The following MSL2 variants were observed in gnomAD, a reference collection of about 807,000 sequenced individuals.
MSL2 encodes E3 ubiquitin-protein ligase MSL2.
MSL2 carries 2 observed loss-of-function variants against 35.8 expected under a neutral mutation model. The ratio of observed to expected loss-of-function variants is 0.06; its 90% confidence interval spans 0.02 to 0.18. MSL2 has a LOEUF of 0.18. Ranked by LOEUF, MSL2 falls within the 10% of genes least tolerant of loss-of-function variation. MSL2 has a pLI of 1.00. For missense variants in MSL2, 523 were observed against 706.7 expected, an observed-to-expected ratio of 0.74 and a Z score of 2.95; for synonymous variants, 296 against 255.7, an observed-to-expected ratio of 1.16 and a Z score of -1.50.
chr3:136,193,974 A>G (rs1940762540), intron 1 of MSL2, among the ~76,000 whole-genome samples: 1 of 152,230 alleles, frequency 6.6e-6, no homozygotes, highest in South Asian at 2.1e-4. Context: ...CCCTTCAGCC[A>G]CAACTGTCCC....
chr3:136,169,250 G>GGGGGGTGGGGGGGGTT (rs1559963929), intron 1 of MSL2, among the ~76,000 whole-genome samples: 1 of 17,120 alleles, frequency 5.8e-5, no homozygotes, highest in Non-Finnish European at 1.4e-4. Context: ...GGGGGGGGGG[G>GGGGGGTGGGGGGGGTT]GGTGCTTATT....
At chr3:136,180,796 G>GGGAAGGAAGGAA (rs1241382073) in intron 1 of MSL2, among the ~76,000 whole-genome samples, 27 of 42,854 alleles carry the variant, frequency 6.3e-4, no homozygotes, top group African/African-American at 2.0e-3. Flanking sequence ...GAGGGAGGGA[G>GGGAAGGAAGGAA]GGAGGGAGGG....
chr3:136,192,583 T>TAAA (rs59221992), intron 1 of MSL2, among the ~76,000 whole-genome samples: 7 of 129,590 alleles, frequency 5.4e-5, no homozygotes, highest in East Asian at 4.5e-4. Flanking sequence ...AAAGCAAAGA[T>TAAA]AAAAAAAAAA....
At chr3:136,153,820 T>C (rs960680730) in intron 1 of MSL2, among the ~76,000 whole-genome samples, 2 of 150,982 alleles carry the variant, frequency 1.3e-5, no homozygotes, top group Non-Finnish European at 2.9e-5. Context: ...TGGTGGCTCA[T>C]GCCTGTAACC....
intron 1 of MSL2, chr3:136,155,575 G>C (rs191897348): frequency 3.4e-6 from 1 of 297,434 alleles, no homozygotes; most frequent in Non-Finnish European, 7.0e-6. Flanking sequence ...CTGGCCTTCA[G>C]AGATGACAGC....
intron 1 of MSL2, among the ~76,000 whole-genome samples, chr3:136,168,579 A>G (rs1939917667): frequency 6.6e-6 from 1 of 152,124 alleles, no homozygotes; most frequent in Admixed American, 6.6e-5. Flanking sequence ...CATGGATACA[A>G]GGAGGGGAAC....
In MSL2 at chr3:136,150,956, T is replaced by C. The variant is rs140186714; in HGVS notation, c.*191A>G. 5.5e-4 allele frequency: 329 copies of C among 596,232 alleles called. 2 individuals are homozygous for C. The highest frequency in any genetic ancestry group is 5.4e-3 in the African/African-American group (292 of 54,148). 36.9% of individuals were successfully genotyped at this position (596,232 alleles called of 1,614,324 possible). A position where few individuals can be genotyped will look rare whatever the true frequency, so the allele number is the denominator to read the frequency against. ...AGGTTCTGTAAGAACTAAGGACATA[T>C]AGTTGTAGGGTTACTCCTCCATTAT... On this transcript the variant is annotated 3_prime_UTR_variant, in exon 2 of 2. Transcript: ENST00000309993.
intron 1 of MSL2, among the ~76,000 whole-genome samples, chr3:136,189,108 CAAAAAA>C (rs372715974): frequency 4.4e-4 from 17 of 38,608 alleles, no homozygotes; most frequent in African/African-American, 1.3e-3. Context: ...CCTGTCTCTA[CAAAAAA>C]AAAAAAAAAA....
chr3:136,179,795 T>C (rs1042145821), intron 1 of MSL2, among the ~76,000 whole-genome samples: 10 of 152,218 alleles, frequency 6.6e-5, no homozygotes, highest in Non-Finnish European at 1.3e-4. Flanking sequence ...GGGCTGGGCA[T>C]GGTGCTCACA....
chr3:136,189,987 G>A (rs1029658450), intron 1 of MSL2, among the ~76,000 whole-genome samples: 3 of 151,426 alleles, frequency 2.0e-5, no homozygotes, highest in Admixed American at 6.6e-5. Flanking sequence ...AGGCTGAGGT[G>A]GGAGGATCAC....
At chr3:136,173,643 T>C (rs76581365) in intron 1 of MSL2, among the ~76,000 whole-genome samples, 6,593 of 152,272 alleles carry the variant, frequency 0.043, 504 homozygotes, top group African/African-American at 0.15. Flanking sequence ...ACCCCGAATT[T>C]CGAGTTTTCT....
intron 1 of MSL2, among the ~76,000 whole-genome samples, chr3:136,188,323 A>G (rs1159389899): frequency 6.6e-6 from 1 of 151,658 alleles, no homozygotes; most frequent in African/African-American, 2.4e-5. Context: ...AGTCCCAGTT[A>G]CTCAGGAGAC....
intron 1 of MSL2, among the ~76,000 whole-genome samples, chr3:136,179,696 G>A (rs911421822): frequency 6.6e-6 from 1 of 152,182 alleles, no homozygotes; most frequent in African/African-American, 2.4e-5. Context: ...ATACTATAAA[G>A]ATCATCTTAA....
At chr3:136,164,027 T>TA (rs1367588069) in intron 1 of MSL2, among the ~76,000 whole-genome samples, 2 of 152,184 alleles carry the variant, frequency 1.3e-5, no homozygotes, top group Non-Finnish European at 2.9e-5. Flanking sequence ...ATACAATGCA[T>TA]AAATGCAATG....
At chr3:136,167,183 CAG>C (rs1364532888) in intron 1 of MSL2, among the ~76,000 whole-genome samples, 2 of 152,160 alleles carry the variant, frequency 1.3e-5, no homozygotes, top group Non-Finnish European at 2.9e-5. Flanking sequence ...CAAAAATTAT[CAG>C]AGATTAAAAT....
intron 1 of MSL2, among the ~76,000 whole-genome samples, chr3:136,169,400 T>C (rs769210692): frequency 1.3e-5 from 2 of 152,116 alleles, no homozygotes; most frequent in Non-Finnish European, 2.9e-5. Context: ...TTTCCTTGTG[T>C]TGGGAACATT....
rs1030403550 is a variant in MSL2, at chr3:136,163,420, C to T, written c.143-10682G>A. Among the ~76,000 whole-genome samples, 4 of 152,132 alleles carry T rather than the reference C, an allele frequency of 2.6e-5. No homozygotes were observed. The East Asian group carries it at 7.7e-4, about 29-fold the overall frequency. ...ACTGAAGAGGCCTGGAAACAAAGAA[C>T]CCCAGCAGCAATGAATACAGATTAC... On this transcript the variant is annotated intron_variant, in intron 1 of 1. Transcript: ENST00000309993.
At chr3:136,174,499 T>A (rs1940114019) in intron 1 of MSL2, among the ~76,000 whole-genome samples, 1 of 152,278 alleles carries the variant, frequency 6.6e-6, no homozygotes, top group Non-Finnish European at 1.5e-5. Context: ...AGCCACAAGA[T>A]ATACAACCTT....
chr3:136,194,816 G>A (rs924725357), intron 1 of MSL2, among the ~76,000 whole-genome samples, 156 bp downstream of exon 1: 1 of 152,084 alleles, frequency 6.6e-6, no homozygotes, highest in African/African-American at 2.4e-5. Context: ...CCGGGCAAAA[G>A]TCCCTCAGCA....
Sources: gnomAD v4.1 joint callset for allele counts (sites outside exome capture counted in the v4.1 genomes callset) on GRCh38, gnomAD v4.1.1 for gene constraint, MANE v1.5 for transcripts, NCBI Gene and HGNC (gene_info 2026-07-23, HGNC 2026-07-21) for gene names.